HERC3: variants seen among roughly 807,000 people sequenced by gnomAD.
The protein encoded by HERC3 is probable E3 ubiquitin-protein ligase HERC3.
A neutral mutation model predicts 129.9 loss-of-function variants in HERC3; 58 were observed. That is an observed-to-expected ratio of 0.45 (90% CI 0.36 to 0.56). HERC3 has a LOEUF of 0.56. Among genes scored for constraint, HERC3 ranks in the 20% least tolerant of loss-of-function variants. The pLI is 0.00. For missense variants in HERC3, 835 were observed against 1,244.2 expected, an observed-to-expected ratio of 0.67 and a Z score of 4.95; for synonymous variants, 430 against 451.0, an observed-to-expected ratio of 0.95 and a Z score of 0.59.
rs1724490928 is a variant in HERC3, at chr4:88,612,780, GTCT to G, written c.226+6733_226+6735del. The stretch of plus-strand genomic sequence containing the variant: ...AGTTACAGAGCTGGCATTTTAGGAA[GTCT>G]TGTGTGCCTTCCCCACTTTTTTTTT... On this transcript the variant is annotated intron_variant, in intron 3 of 25. Transcript: ENST00000402738. Among the ~76,000 whole-genome samples the G allele has an allele frequency of 2.0e-5, 3 of 152,228 alleles. No individual in the cohort carries two copies. In the South Asian group the frequency reaches 6.2e-4, roughly 32 times the overall value.
At chr4:88,595,841 C>CTTTTT (rs532515500) in intron 2 of HERC3, among the ~76,000 whole-genome samples, 4 of 80,296 alleles carry the variant, frequency 5.0e-5, no homozygotes, top group Non-Finnish European at 7.1e-5. Flanking sequence ...GCACTTAATT[C>CTTTTT]TTTTTTTTTT....
intron 3 of HERC3, among the ~76,000 whole-genome samples, chr4:88,649,312 G>A (rs1729020728): frequency 6.6e-6 from 1 of 152,146 alleles, no homozygotes; most frequent in Admixed American, 6.5e-5. Flanking sequence ...TTTTGGGCCA[G>A]TTTTCCCAGA....
At chr4:88,591,744 G>A (rs1490218257), upstream of HERC3, among the ~76,000 whole-genome samples, 1 of 152,138 alleles carries the variant, frequency 6.6e-6, no homozygotes, top group Non-Finnish European at 1.5e-5. Context: ...AAGTGGAAGA[G>A]GACAAACTTT....
At chr4:88,547,033 C>T in the HERC3 span, among the ~76,000 whole-genome samples, 1 of 152,126 alleles carries the variant, frequency 6.6e-6, no homozygotes, top group South Asian at 2.1e-4. Context: ...TTCAGTACTT[C>T]CTTAACCTTT....
At chr4:88,571,009 C>T in the HERC3 span, among the ~76,000 whole-genome samples, 1 of 152,078 alleles carries the variant, frequency 6.6e-6, no homozygotes, top group South Asian at 2.1e-4. Context: ...CCACCTGCCT[C>T]AGCCTCCCAA....
intron 3 of HERC3, among the ~76,000 whole-genome samples, chr4:88,631,224 G>A (rs1044253718): frequency 7.2e-5 from 11 of 152,300 alleles, no homozygotes; most frequent in African/African-American, 2.6e-4. Flanking sequence ...GGAGGCTGAG[G>A]CAGGCAGATC....
At chr4:88,589,095 C>T (rs545085398), upstream of HERC3, among the ~76,000 whole-genome samples, 14 of 151,220 alleles carry the variant, frequency 9.3e-5, no homozygotes, top group East Asian at 1.2e-3. Context: ...CGCGTGTGTG[C>T]GTGTGTGTGT....
chr4:88,689,304 A>G (rs180758040), intron 23 of HERC3, among the ~76,000 whole-genome samples: 256 of 151,898 alleles, frequency 1.7e-3, no homozygotes, highest in African/African-American at 6.2e-3. Context: ...CAGAAGTTCA[A>G]GACCAGCGTG....
chr4:88,577,265 A>T, the HERC3 span, among the ~76,000 whole-genome samples: 2 of 152,192 alleles, frequency 1.3e-5, no homozygotes, highest in Non-Finnish European at 1.5e-5. Flanking sequence ...GTTCCAAACA[A>T]GTACCCTAAA....
intron 3 of HERC3, among the ~76,000 whole-genome samples, chr4:88,618,586 G>C (rs1034769673): frequency 3.9e-5 from 6 of 152,150 alleles, no homozygotes; most frequent in African/African-American, 1.4e-4. Context: ...ATTAGGAGTG[G>C]GAAGGGGTGG....
the HERC3 span, among the ~76,000 whole-genome samples, chr4:88,559,226 G>A: frequency 6.6e-6 from 1 of 152,058 alleles, no homozygotes; most frequent in Non-Finnish European, 1.5e-5. Context: ...GGAACACTAG[G>A]CATAAATGGG....
chr4:88,585,729 T>C, the HERC3 span, among the ~76,000 whole-genome samples: 1 of 152,164 alleles, frequency 6.6e-6, no homozygotes, highest in Non-Finnish European at 1.5e-5. Context: ...ACAACCCTAA[T>C]CATAAATTTT....
intron 23 of HERC3, among the ~76,000 whole-genome samples, chr4:88,687,907 A>G (rs1024255051): frequency 2.0e-5 from 3 of 152,192 alleles, no homozygotes; most frequent in Admixed American, 6.5e-5. Flanking sequence ...AAGATACTCA[A>G]TTTTGCTTAC....
At chr4:88,665,818 A>G (rs1462682476) in intron 12 of HERC3, among the ~76,000 whole-genome samples, 2 of 152,084 alleles carry the variant, frequency 1.3e-5, no homozygotes, top group Non-Finnish European at 2.9e-5. Context: ...AGCTCACACA[A>G]TTCATTTCAT....
intron 23 of HERC3, chr4:88,693,658 A>G: frequency 1.0e-6 from 1 of 983,142 alleles, no homozygotes; most frequent in South Asian, 4.7e-5. Context: ...TAAAGTGTGT[A>G]CATGTGTGTA....
At chr4:88,543,594 C>T in the HERC3 span, among the ~76,000 whole-genome samples, 1 of 152,130 alleles carries the variant, frequency 6.6e-6, no homozygotes, top group Non-Finnish European at 1.5e-5. Context: ...CTTTAAAGTT[C>T]ATATGGAACC....
intron 23 of HERC3, among the ~76,000 whole-genome samples, chr4:88,702,638 G>A (rs1193464236): frequency 3.3e-5 from 5 of 152,120 alleles, no homozygotes; most frequent in Admixed American, 2.0e-4. Flanking sequence ...TCATATTAAT[G>A]GATGTTTAGT....
chr4:88,680,765 T>C (rs1732693211), intron 20 of HERC3, among the ~76,000 whole-genome samples: 1 of 152,246 alleles, frequency 6.6e-6, no homozygotes, highest in African/African-American at 2.4e-5. Context: ...TTATATATTA[T>C]TTATTTAAAA....
chr4:88,706,094 G>A (rs1735754181), intron 25 of HERC3, among the ~76,000 whole-genome samples: 1 of 152,184 alleles, frequency 6.6e-6, no homozygotes, highest in African/African-American at 2.4e-5. Flanking sequence ...TGTTAACTCT[G>A]GAGATTTTTG....
Sources: gnomAD v4.1 joint callset for allele counts (sites outside exome capture counted in the v4.1 genomes callset) on GRCh38, gnomAD v4.1.1 for gene constraint, MANE v1.5 for transcripts, NCBI Gene and HGNC (gene_info 2026-07-23, HGNC 2026-07-21) for gene names.